CDYL2: variants seen among roughly 807,000 people sequenced by gnomAD.
CDYL2 encodes chromodomain Y like 2.
Under a neutral mutation model 49.4 loss-of-function variants are expected in CDYL2, and 23 were observed. The observed-to-expected ratio is 0.47, with a 90% confidence interval of 0.34 to 0.66. The LOEUF (loss-of-function observed/expected upper bound fraction) is 0.66, where lower values mean the gene tolerates loss of function less well. Among genes scored for constraint, CDYL2 ranks in the 30% least tolerant of loss-of-function variants. The probability of loss-of-function intolerance (pLI) is 0.01; values close to 1 mark genes in which losing one functional copy is unlikely to be tolerated. For missense variants in CDYL2, 678 were observed against 656.4 expected, an observed-to-expected ratio of 1.03 and a Z score of -0.36; for synonymous variants, 360 against 268.8, an observed-to-expected ratio of 1.34 and a Z score of -3.32.
chr16:80,666,113 C>A (rs929790987), intron 2 of CDYL2, among the ~76,000 whole-genome samples: 1 of 152,158 alleles, frequency 6.6e-6, no homozygotes, highest in African/African-American at 2.4e-5. Context: ...GGCAGGCTTG[C>A]TATTCCCGGA....
At chr16:80,797,996 G>C (rs898665701) in intron 1 of CDYL2, among the ~76,000 whole-genome samples, 14 of 152,150 alleles carry the variant, frequency 9.2e-5, no homozygotes, top group African/African-American at 3.1e-4. Flanking sequence ...ATTGTGCAGG[G>C]GTTTGTCTTG....
intron 2 of CDYL2, 102 bp from the exon 3 acceptor site, chr16:80,633,338 T>C (rs1907662493): frequency 8.4e-7 from 1 of 1,187,424 alleles, no homozygotes; most frequent in South Asian, 1.4e-5. Context: ...GGTTTGGATG[T>C]GCTGGGACAC....
intron 1 of CDYL2, among the ~76,000 whole-genome samples, chr16:80,746,131 AACAGGT>A (rs1420348113): frequency 1.3e-5 from 2 of 152,184 alleles, no homozygotes; most frequent in East Asian, 3.9e-4. Flanking sequence ...CCTGGGCTCC[AACAGGT>A]ACCTGCACAA....
chr16:80,728,799 A>G (rs1255389336), intron 1 of CDYL2, among the ~76,000 whole-genome samples: 3 of 152,118 alleles, frequency 2.0e-5, no homozygotes, highest in East Asian at 1.9e-4. Context: ...CCAATATTCA[A>G]CATTCTTAAA....
At chr16:80,689,124 C>T (rs1363886396) in intron 1 of CDYL2, among the ~76,000 whole-genome samples, 1 of 152,180 alleles carries the variant, frequency 6.6e-6, no homozygotes, top group Non-Finnish European at 1.5e-5. Context: ...GTACACACCC[C>T]CACCAGCTTC....
intron 1 of CDYL2, among the ~76,000 whole-genome samples, chr16:80,712,191 GTA>G (rs60399715): frequency 1.1e-4 from 12 of 107,918 alleles, no homozygotes; most frequent in South Asian, 6.7e-4. Flanking sequence ...GTCTGTGTGT[GTA>G]TATATATATA....
At chr16:80,636,528 T>A (rs1208852813) in intron 2 of CDYL2, among the ~76,000 whole-genome samples, 1 of 152,290 alleles carries the variant, frequency 6.6e-6, no homozygotes, top group East Asian at 1.9e-4. Context: ...CCAGTTAGAA[T>A]GGAGATCATT....
At chr16:80,638,845 T>G (rs186734004) in intron 2 of CDYL2, among the ~76,000 whole-genome samples, 1 of 152,250 alleles carries the variant, frequency 6.6e-6, no homozygotes, top group East Asian at 1.9e-4. Context: ...ATATGAATCA[T>G]AGACCTAAAT....
intron 1 of CDYL2, among the ~76,000 whole-genome samples, chr16:80,748,731 C>T (rs1906026493): frequency 1.3e-5 from 2 of 151,946 alleles, no homozygotes; most frequent in Non-Finnish European, 2.9e-5. Context: ...CCACAACCAC[C>T]ACCAACAACA....
rs1207242156 is a variant in CDYL2 at position 80,705,985 on chromosome 16, T to C, written c.25-20856A>G. Among the ~76,000 whole-genome samples, 6 of 152,352 alleles carry C rather than the reference T, an allele frequency of 3.9e-5. No individual in the cohort carries two copies. In the East Asian group the frequency reaches 1.2e-3, roughly 29 times the overall value. On this transcript the variant is annotated intron_variant, in intron 1 of 6. Coordinates refer to ENST00000570137, the MANE Select transcript of CDYL2 (RefSeq NM_152342.4). ...CATATATTGAGCATCTACCGTATGCTGGACACTCCAAGGCAGTAGAGGGGT... is the reference window on the plus strand; with the variant it reads ...CATATATTGAGCATCTACCGTATGCCGGACACTCCAAGGCAGTAGAGGGGT...
intron 1 of CDYL2, among the ~76,000 whole-genome samples, chr16:80,797,103 G>A (rs1907789305): frequency 6.6e-6 from 1 of 151,924 alleles, no homozygotes; most frequent in South Asian, 2.1e-4. Flanking sequence ...CCCTCCTCAT[G>A]TTTACACACT....
At chr16:80,781,881 T>C in intron 1 of CDYL2, among the ~76,000 whole-genome samples, 1 of 151,966 alleles carries the variant, frequency 6.6e-6, no homozygotes, top group Non-Finnish European at 1.5e-5. Context: ...TACTGCAATA[T>C]TTATGAAATG....
intron 2 of CDYL2, among the ~76,000 whole-genome samples, chr16:80,639,097 A>G (rs1228199670): frequency 6.6e-6 from 1 of 152,248 alleles, no homozygotes; most frequent in Non-Finnish European, 1.5e-5. Context: ...TATTGAAATG[A>G]CATTCACCAT....
At chr16:80,731,631 T>C (rs1905329594) in intron 1 of CDYL2, among the ~76,000 whole-genome samples, 1 of 152,102 alleles carries the variant, frequency 6.6e-6, no homozygotes, top group African/African-American at 2.4e-5. Context: ...GAACCAGGAA[T>C]CAGAATGGCT....
At chr16:80,726,009 C>G (rs1905151389) in intron 1 of CDYL2, among the ~76,000 whole-genome samples, 2 of 152,202 alleles carry the variant, frequency 1.3e-5, no homozygotes, top group Admixed American at 1.3e-4. Flanking sequence ...TTTATTTAAG[C>G]TTCCTCCATT....
intron 3 of CDYL2, among the ~76,000 whole-genome samples, chr16:80,631,198 T>C (rs1597135232): frequency 6.6e-6 from 1 of 152,196 alleles, no homozygotes; most frequent in African/African-American, 2.4e-5. Context: ...TTTTCTCATC[T>C]ATACAATGTG....
intron 1 of CDYL2, among the ~76,000 whole-genome samples, chr16:80,765,427 C>G (rs1358797028): frequency 6.6e-6 from 1 of 151,456 alleles, no homozygotes; most frequent in East Asian, 1.9e-4. Context: ...ATCTGAAATT[C>G]CTAACATAAA....
chr16:80,613,677 C>T (rs1005199292), intron 4 of CDYL2, among the ~76,000 whole-genome samples: 2 of 152,186 alleles, frequency 1.3e-5, no homozygotes, highest in African/African-American at 4.8e-5. Context: ...ACCTGTATTT[C>T]CTTTGCCTCA....
Position 80,765,139 on chromosome 16 carries a change from T to C in CDYL2, c.24+39011A>G, listed in dbSNP as rs146073474. Reference sequence around the variant, plus strand: ...GTATAACATATAGTACTATATAATATATAGTACTATATGTTATACAATATA... The same window carrying C: ...GTATAACATATAGTACTATATAATACATAGTACTATATGTTATACAATATA... On this transcript the variant is annotated intron_variant, in intron 1 of 6. Transcript: ENST00000570137. 1.3e-3 allele frequency among the ~76,000 whole-genome samples: 180 copies of C among 138,660 alleles called. 1 individual carries two copies. The highest frequency in any genetic ancestry group is 4.2e-3 in the African/African-American group (159 of 37,878). 91.0% of individuals were successfully genotyped at this position (138,660 alleles called of 152,430 possible).
Sources: gnomAD v4.1 joint callset for allele counts (sites outside exome capture counted in the v4.1 genomes callset) on GRCh38, gnomAD v4.1.1 for gene constraint, MANE v1.5 for transcripts, NCBI Gene and HGNC (gene_info 2026-07-23, HGNC 2026-07-21) for gene names.